The following FHIT variants were observed in gnomAD, a reference collection of about 807,000 sequenced individuals.
FHIT encodes bis(5'-adenosyl)-triphosphatase.
In FHIT, 19 loss-of-function variants were observed where a neutral mutation model predicts 17.9. That is an observed-to-expected ratio of 1.06 (90% CI 0.74 to 1.56). The LOEUF (loss-of-function observed/expected upper bound fraction) is 1.56, where lower values mean the gene tolerates loss of function less well. FHIT is among the 40% of genes most tolerant of loss of function. The pLI, the probability that FHIT is intolerant of heterozygous loss-of-function variation, is 0.00. For synonymous variants in FHIT, 81 were observed against 69.7 expected, an observed-to-expected ratio of 1.16 and a Z score of -0.81; for missense variants, 248 against 189.2, an observed-to-expected ratio of 1.31 and a Z score of -1.82.
At chr3:60,668,360 C>T (rs1272635036) in intron 4 of FHIT, among the ~76,000 whole-genome samples, 2 of 130,396 alleles carry the variant, frequency 1.5e-5, no homozygotes, top group African/African-American at 6.1e-5. Context: ...GAGGGACATC[C>T]GCTCAATCAG....
At chr3:59,971,251 G>T (rs1708165830) in intron 7 of FHIT, among the ~76,000 whole-genome samples, 1 of 152,042 alleles carries the variant, frequency 6.6e-6, no homozygotes, top group Non-Finnish European at 1.5e-5. Context: ...CAAATTACAG[G>T]GAATACGAAA....
At chr3:60,444,622 A>T (rs565857430) in intron 5 of FHIT, among the ~76,000 whole-genome samples, 2 of 152,156 alleles carry the variant, frequency 1.3e-5, no homozygotes, top group East Asian at 1.9e-4. Context: ...GCATGTTCTC[A>T]CTCATAGCTG....
intron 4 of FHIT, among the ~76,000 whole-genome samples, chr3:60,554,765 A>T (rs1307010532): frequency 2.0e-5 from 3 of 152,242 alleles, no homozygotes; most frequent in African/African-American, 7.2e-5. Flanking sequence ...AAAGTTCCCA[A>T]CATAAGTGAA....
rs1207319978 is a variant in FHIT, at chr3:60,269,144, G to T, written c.104-254992C>A. ...GTTGTTTTATGTTACTAAGTTTTCA[G>T]TAATCTGTTATGGAAGCCATCAAAA... is the stretch of plus-strand genomic sequence containing the variant. On this transcript the variant is annotated intron_variant, in intron 5 of 9. Transcript: ENST00000492590. 3.9e-5 allele frequency among the ~76,000 whole-genome samples: 6 copies of T among 152,188 alleles called. No homozygotes were observed. The South Asian group carries it at 1.0e-3, about 26-fold the overall frequency.
chr3:61,114,675 C>A (rs1413335724), intron 2 of FHIT, among the ~76,000 whole-genome samples: 1 of 152,088 alleles, frequency 6.6e-6, no homozygotes, highest in Non-Finnish European at 1.5e-5. Context: ...GAAATATGAC[C>A]TTTGACCCTG....
At chr3:60,073,773 C>T (rs1442072310) in intron 5 of FHIT, among the ~76,000 whole-genome samples, 1 of 152,128 alleles carries the variant, frequency 6.6e-6, no homozygotes, top group Non-Finnish European at 1.5e-5. Context: ...CACTCCACTC[C>T]TGCCCTTTGT....
At position 61,177,176 on chromosome 3, in the gene FHIT, CAAAAA is replaced by C. The variant is rs776705930; in HGVS notation, c.-164+23436_-164+23440del. On this transcript the variant is annotated intron_variant, in intron 2 of 9. Coordinates refer to ENST00000492590, the MANE Select transcript of FHIT (RefSeq NM_002012.4). ...TGGGCGACAGAGTAAGACTCCATCT[CAAAAA>C]AAAAAAAAAGAAAAAGAAAGAGAAC... Among the ~76,000 whole-genome samples, 3 of 92,388 alleles carry C rather than the reference CAAAAA, an allele frequency of 3.2e-5. No homozygotes were observed. The East Asian group carries it at 1.9e-3, about 58-fold the overall frequency. 60.6% of individuals were successfully genotyped at this position (92,388 alleles called of 152,430 possible). A position where few individuals can be genotyped will look rare whatever the true frequency, so the allele number is the denominator to read the frequency against.
intron 8 of FHIT, among the ~76,000 whole-genome samples, chr3:59,859,344 C>A (rs1017808480): frequency 1.3e-5 from 2 of 152,098 alleles, no homozygotes; most frequent in East Asian, 3.8e-4. Flanking sequence ...ACAGTGGAAG[C>A]TCCAGAGAAA....
intron 2 of FHIT, among the ~76,000 whole-genome samples, chr3:61,143,750 C>T (rs2037151229): frequency 6.6e-6 from 1 of 152,090 alleles, no homozygotes. Flanking sequence ...CCTGTAGTCC[C>T]AACTACTCGG....
intron 2 of FHIT, among the ~76,000 whole-genome samples, chr3:61,080,297 G>T (rs2035096108): frequency 6.6e-6 from 1 of 152,094 alleles, no homozygotes; most frequent in South Asian, 2.1e-4. Context: ...TTAGAGATCT[G>T]TTTTCTGAGC....
At chr3:60,072,715 C>G (rs1702831899) in intron 5 of FHIT, among the ~76,000 whole-genome samples, 1 of 152,182 alleles carries the variant, frequency 6.6e-6, no homozygotes, top group African/African-American at 2.4e-5. Context: ...CAAGCCTGTG[C>G]TCTTAACCCT....
chr3:61,138,407 A>G (rs1414595983), intron 2 of FHIT, among the ~76,000 whole-genome samples: 1 of 152,224 alleles, frequency 6.6e-6, no homozygotes, highest in Non-Finnish European at 1.5e-5. Context: ...TACAGCCACT[A>G]ACTAACCATG....
intron 4 of FHIT, among the ~76,000 whole-genome samples, chr3:60,745,347 T>G (rs1177163289): frequency 1.3e-5 from 2 of 152,140 alleles, no homozygotes; most frequent in Non-Finnish European, 2.9e-5. Flanking sequence ...GGCTGAGCAG[T>G]AAACATAAGG....
intron 7 of FHIT, among the ~76,000 whole-genome samples, chr3:59,993,838 T>A (rs1699392797): frequency 6.6e-6 from 1 of 152,016 alleles, no homozygotes; most frequent in African/African-American, 2.4e-5. Flanking sequence ...GTTAACCTCA[T>A]CTTTAACATG....
chr3:59,751,493 A>ATAGAT (rs1311040450), intron 9 of FHIT: 1 of 211,210 alleles, frequency 4.7e-6, no homozygotes, highest in Non-Finnish European at 9.6e-6. Context: ...GAGGGATAAT[A>ATAGAT]TAGATTGCCA....
chr3:60,685,632 A>G (rs1388385242), intron 4 of FHIT, among the ~76,000 whole-genome samples: 2 of 152,190 alleles, frequency 1.3e-5, no homozygotes, highest in Non-Finnish European at 2.9e-5. Context: ...AAGAACGAGT[A>G]TTCATTCCAT....
intron 5 of FHIT, among the ~76,000 whole-genome samples, chr3:60,066,726 G>A (rs977248585): frequency 1.6e-5 from 2 of 129,018 alleles, no homozygotes; most frequent in African/African-American, 3.0e-5. Context: ...GCACGATCTC[G>A]GCTCACTGCA....
chr3:60,824,447 C>T (rs1408278818), intron 3 of FHIT, among the ~76,000 whole-genome samples: 1 of 152,096 alleles, frequency 6.6e-6, no homozygotes, highest in Admixed American at 6.5e-5. Context: ...ACAGGTTTAA[C>T]AGACAGGGAA....
At chr3:61,035,985 A>G (rs901177221) in intron 3 of FHIT, among the ~76,000 whole-genome samples, 1 of 152,230 alleles carries the variant, frequency 6.6e-6, no homozygotes, top group African/African-American at 2.4e-5. Flanking sequence ...TTAAAGCTGT[A>G]TCTAAGTTTC....
Sources: gnomAD v4.1 joint callset for allele counts (sites outside exome capture counted in the v4.1 genomes callset) on GRCh38, gnomAD v4.1.1 for gene constraint, MANE v1.5 for transcripts, NCBI Gene and HGNC (gene_info 2026-07-23, HGNC 2026-07-21) for gene names.